Variants in DLGAP2 observed in about 807,000 individuals in gnomAD.
DLGAP2 encodes disks large-associated protein 2.
In DLGAP2, 26 loss-of-function variants were observed where a neutral mutation model predicts 100.3. The ratio of observed to expected loss-of-function variants is 0.26; its 90% CI spans 0.19 to 0.36. The LOEUF (loss-of-function observed/expected upper bound fraction) is 0.36, where lower values mean the gene tolerates loss of function less well. Ranked by LOEUF, DLGAP2 falls within the 10% of genes least tolerant of loss-of-function variation. DLGAP2 has a pLI of 1.00. For missense variants in DLGAP2, 1,858 were observed against 1,453.2 expected (o/e 1.28, Z -4.53); for synonymous variants, 886 against 630.1 (o/e 1.41, Z -6.08).
At chr8:1,428,603 C>T (rs141774395) in intron 3 of DLGAP2, among the ~76,000 whole-genome samples, 23 of 152,184 alleles carry the variant, frequency 1.5e-4, no homozygotes, top group Non-Finnish European at 2.9e-4. Context: ...AGACATTAGA[C>T]ATTTACAGGT....
At chr8:1,668,122 T>G (rs781216693) in intron 8 of DLGAP2, among the ~76,000 whole-genome samples, 2 of 152,240 alleles carry the variant, frequency 1.3e-5, no homozygotes, top group Non-Finnish European at 2.9e-5. Context: ...GCAGCTGGGT[T>G]TGCTGGTATT....
At chr8:1,553,111 A>G (rs1584919975) in intron 5 of DLGAP2, among the ~76,000 whole-genome samples, 2 of 152,302 alleles carry the variant, frequency 1.3e-5, no homozygotes, top group East Asian at 3.9e-4. Context: ...TGGCGGCATC[A>G]GATGGAGGGA....
At position 960,252 on chromosome 8, in the gene DLGAP2, T is replaced by TTTTTTTTTTTTTTTTTTTTTTTTTC. The variant is rs369284313; in HGVS notation, c.73+52286_73+52287insTTTTTTTTTTTTTTTTTTTTTTTTC. ...TGAAGTATATCTTTTTTTTTTTTTT[T>TTTTTTTTTTTTTTTTTTTTTTTTTC]CCCGAGACACTCTCACGCTGTCGTC... On this transcript the variant is annotated intron_variant, in intron 2 of 14. Transcript: ENST00000637795. 9.2e-5 allele frequency among the ~76,000 whole-genome samples: 13 copies of TTTTTTTTTTTTTTTTTTTTTTTTTC among 142,012 alleles called. 2 individuals are homozygous for TTTTTTTTTTTTTTTTTTTTTTTTTC. The highest frequency in any genetic ancestry group is 3.3e-4 in the African/African-American group (12 of 36,178). 93.2% of individuals were successfully genotyped at this position (142,012 alleles called of 152,430 possible).
At chr8:1,516,371 G>A (rs1000015898) in intron 4 of DLGAP2, among the ~76,000 whole-genome samples, 6 of 151,840 alleles carry the variant, frequency 4.0e-5, no homozygotes, top group African/African-American at 1.5e-4. Context: ...GAGTGAATGA[G>A]TGAGTGAGTG....
intron 3 of DLGAP2, among the ~76,000 whole-genome samples, chr8:1,496,842 G>A (rs953151880): frequency 1.3e-5 from 2 of 152,214 alleles, no homozygotes; most frequent in African/African-American, 4.8e-5. Flanking sequence ...TGCGTTGCTG[G>A]AGGAGGGTTG....
At chr8:1,317,317 C>G (rs13251890) in intron 3 of DLGAP2, among the ~76,000 whole-genome samples, 10 of 103,192 alleles carry the variant, frequency 9.7e-5, no homozygotes, top group East Asian at 3.1e-4. Flanking sequence ...AAAATAGAGG[C>G]TGTGCGAGTG....
chr8:1,154,389 G>A (rs1024379119), intron 2 of DLGAP2, among the ~76,000 whole-genome samples: 1 of 152,020 alleles, frequency 6.6e-6, no homozygotes, highest in Non-Finnish European at 1.5e-5. Flanking sequence ...ATCGAGACAC[G>A]ATTTTATCCA....
chr8:819,675 G>GTAGGAAAAC (rs1466384880), intron 1 of DLGAP2, among the ~76,000 whole-genome samples: 1 of 152,190 alleles, frequency 6.6e-6, no homozygotes, highest in African/African-American at 2.4e-5. Flanking sequence ...TAGTGGAAAA[G>GTAGGAAAAC]TAGGCGCATC....
At chr8:1,076,911 C>G (rs1308581450) in intron 2 of DLGAP2, among the ~76,000 whole-genome samples, 1 of 143,532 alleles carries the variant, frequency 7.0e-6, no homozygotes, top group Non-Finnish European at 1.5e-5. Flanking sequence ...CGGCCCCCCC[C>G]AAGACCAAGA....
At chr8:956,704 T>G (rs1218980171) in intron 2 of DLGAP2, among the ~76,000 whole-genome samples, 1 of 152,240 alleles carries the variant, frequency 6.6e-6, no homozygotes, top group Admixed American at 6.5e-5. Flanking sequence ...TTTCCACACT[T>G]GTCAATTCCA....
chr8:1,290,012 A>G (rs776227321), intron 3 of DLGAP2, among the ~76,000 whole-genome samples: 4 of 152,176 alleles, frequency 2.6e-5, no homozygotes, highest in African/African-American at 4.8e-5. Flanking sequence ...AAAAGGTTCT[A>G]TGCACCAAGA....
chr8:1,691,652 G>C (rs764751038), intron 13 of DLGAP2, 26 bp downstream of exon 13: 1 of 1,583,826 alleles, frequency 6.3e-7, no homozygotes, highest in Non-Finnish European at 8.7e-7. Flanking sequence ...GTGAACCCCT[G>C]TTCCCTGTAA....
chr8:1,275,656 C>T (rs1259947957), intron 3 of DLGAP2, among the ~76,000 whole-genome samples: 1 of 146,606 alleles, frequency 6.8e-6, no homozygotes, highest in Non-Finnish European at 1.5e-5. Flanking sequence ...CACTCTAGGG[C>T]TTCTGGAACT....
chr8:794,843 G>A (rs933652146), intron 1 of DLGAP2, among the ~76,000 whole-genome samples: 2 of 152,118 alleles, frequency 1.3e-5, no homozygotes, highest in East Asian at 3.9e-4. Context: ...GTGAGGTTGG[G>A]ATGAACTGTT....
intron 12 of DLGAP2, among the ~76,000 whole-genome samples, chr8:1,689,697 G>A (rs1006208240): frequency 6.6e-6 from 1 of 152,178 alleles, no homozygotes; most frequent in Non-Finnish European, 1.5e-5. Context: ...GACGCCCCGT[G>A]AGCCAGCTCA....
intron 2 of DLGAP2, among the ~76,000 whole-genome samples, chr8:1,176,607 T>C (rs1396172123): frequency 6.6e-6 from 1 of 151,712 alleles, no homozygotes; most frequent in Non-Finnish European, 1.5e-5. Context: ...ACGACAGGGG[T>C]CGTGTTTCCT....
At chr8:1,499,683 C>G (rs1042619713) in intron 3 of DLGAP2, among the ~76,000 whole-genome samples, 3 of 152,182 alleles carry the variant, frequency 2.0e-5, no homozygotes, top group South Asian at 2.1e-4. Flanking sequence ...AGATACTTAA[C>G]TTAATTCAGA....
intron 5 of DLGAP2, among the ~76,000 whole-genome samples, chr8:1,560,636 C>T (rs888930369): frequency 6.6e-6 from 1 of 152,238 alleles, no homozygotes; most frequent in Admixed American, 6.5e-5. Flanking sequence ...GGGCGCTCCA[C>T]TGCCCGCCAC....
At position 1,291,640 on chromosome 8, in the gene DLGAP2, AG is replaced by A. The variant is rs1230860794; in HGVS notation, c.106+32760del. On this transcript the variant is annotated intron_variant, in intron 3 of 14. Coordinates refer to ENST00000637795, the MANE Select transcript of DLGAP2 (RefSeq NM_001346810.2). The stretch of plus-strand genomic sequence containing the variant: ...TCTTTAAAATTACGGGATCAGGCTA[AG>A]GGATCTCCAAATATCTTCCAGTTTA... Among the ~76,000 whole-genome samples, 26 of 152,316 alleles carry A rather than the reference AG, an allele frequency of 1.7e-4. 1 individual carries two copies. The highest frequency in any genetic ancestry group is 6.0e-4 in the African/African-American group (25 of 41,578).
Sources: gnomAD v4.1 joint callset for allele counts (sites outside exome capture counted in the v4.1 genomes callset) on GRCh38, gnomAD v4.1.1 for gene constraint, MANE v1.5 for transcripts, NCBI Gene and HGNC (gene_info 2026-07-23, HGNC 2026-07-21) for gene names.